RPRD2: variants seen among roughly 807,000 people sequenced by gnomAD.
RPRD2 encodes regulation of nuclear pre-mRNA domain containing 2.
A neutral mutation model predicts 104.4 loss-of-function variants in RPRD2; 12 were observed. The observed-to-expected ratio is 0.11, with a 90% CI of 0.07 to 0.19. RPRD2 has a LOEUF of 0.19. Among genes scored for constraint, RPRD2 ranks in the 10% least tolerant of loss-of-function variants. The probability of loss-of-function intolerance (pLI) is 1.00; values close to 1 mark genes in which losing one functional copy is unlikely to be tolerated. For synonymous variants in RPRD2, 714 were observed against 684.9 expected (o/e 1.04, Z -0.66); for missense variants, 1,543 against 1,790.1 (o/e 0.86, Z 2.49).
chr1:150,383,383 T>C (rs1661299759), intron 1 of RPRD2, among the ~76,000 whole-genome samples: 1 of 150,902 alleles, frequency 6.6e-6, no homozygotes, highest in Non-Finnish European at 1.5e-5. Context: ...GGCGCAATCT[T>C]GGCTCACTGC....
At chr1:150,377,205 C>T (rs1301341787) in intron 1 of RPRD2, among the ~76,000 whole-genome samples, 3 of 151,100 alleles carry the variant, frequency 2.0e-5, no homozygotes, top group Non-Finnish European at 4.4e-5. Flanking sequence ...GCGAGACTAT[C>T]TCCAGAAAAA....
intron 7 of RPRD2, among the ~76,000 whole-genome samples, chr1:150,455,328 C>T (rs1159316539): frequency 6.6e-6 from 1 of 151,920 alleles, no homozygotes; most frequent in Non-Finnish European, 1.5e-5. Context: ...ATGGTGAAAC[C>T]CCGTCTCTAC....
chr1:150,460,115 T>G lies in RPRD2; in HGVS notation c.1209T>G (p.Pro403=), dbSNP rs1553898478. 3 of 1,613,826 alleles carry G rather than the reference T, an allele frequency of 1.9e-6. No homozygotes were observed. In the African/African-American group the frequency reaches 4.0e-5, roughly 22 times the overall value. The change falls in exon 9 of 11, where the codon CCT becomes CCG. Residue 403 remains proline, a synonymous_variant. Coordinates refer to ENST00000369068, the MANE Select transcript of RPRD2 (RefSeq NM_015203.5). ...AGTCAGCTGTATCCACTTCTGTACC[T>G]ACAAAGCCAACAGAAAATATCTCAA... ...AEKSAVSTSV[P]TKPTENISKA...
At chr1:150,442,486 G>A (rs1438315876) in intron 4 of RPRD2, among the ~76,000 whole-genome samples, 3 of 152,136 alleles carry the variant, frequency 2.0e-5, no homozygotes, top group Non-Finnish European at 2.9e-5. Flanking sequence ...TGAGATCAAG[G>A]GAATGGAATA....
Position 150,471,795 on chromosome 1 carries a change from A to T in RPRD2, c.2847A>T (p.Gln949His), listed in dbSNP as rs370218168. Residue 949 changes from glutamine to histidine, a missense_variant, in exon 11 of 11, where the codon CAA becomes CAT. Physicochemically the swap from Gln to His is conservative, Grantham distance 24. Transcript: ENST00000369068. This position sits in a 1 kb window ranked among gnomAD's most constrained non-coding sequence, Gnocchi z 5.3. Reference sequence around the variant, plus strand: ...ACTCCAACCACAATAGCTTGTCTCAATCTACCACTGGGCATCTCAGTTTGC... The same window carrying T: ...ACTCCAACCACAATAGCTTGTCTCATTCTACCACTGGGCATCTCAGTTTGC... Reference protein sequence around the residue: ...TPDSNHNSLSQSTTGHLSLPQ... With the variant: ...TPDSNHNSLSHSTTGHLSLPQ... The T allele has an allele frequency of 6.2e-7, 1 of 1,613,862 alleles. No individual in the cohort carries two copies. Among genetic ancestry groups the T allele is most frequent in the Admixed American group, 1.7e-5 (1 of 60,008 alleles).
intron 2 of RPRD2, among the ~76,000 whole-genome samples, chr1:150,437,086 C>T (rs587669693): frequency 3.3e-5 from 5 of 152,096 alleles, no homozygotes; most frequent in East Asian, 1.9e-4. Context: ...CTATAGTTGC[C>T]GCTAATAATG....
chr1:150,408,934 G>C (rs1023230519), intron 1 of RPRD2: 1 of 152,118 alleles, frequency 6.6e-6, no homozygotes, highest in East Asian at 1.9e-4. Flanking sequence ...TTGGACTCTC[G>C]TGCTGATGCC....
intron 1 of RPRD2, among the ~76,000 whole-genome samples, chr1:150,394,561 T>C (rs1461321289): frequency 6.6e-6 from 1 of 152,192 alleles, no homozygotes; most frequent in Non-Finnish European, 1.5e-5. Context: ...GAATGTTTAC[T>C]GAACTTTCAA....
chr1:150,438,681 T>C (rs1343383889), intron 2 of RPRD2, among the ~76,000 whole-genome samples: 5 of 152,062 alleles, frequency 3.3e-5, no homozygotes, highest in Non-Finnish European at 5.9e-5. Context: ...ATTTTATCCT[T>C]TGAACATCCT....
chr1:150,472,392 G>A lies in RPRD2; in HGVS notation c.3444G>A (p.Leu1148=). The A allele has an allele frequency of 6.2e-7, 1 of 1,613,950 alleles. No individual in the cohort carries two copies. Residue 1148 remains leucine, a synonymous_variant, in exon 11 of 11, where the codon TTG becomes TTA. Transcript: ENST00000369068. The stretch of plus-strand genomic sequence containing the variant: ...ATGGCCCTTCAAGTGCCTCTGAGTT[G>A]GCATCCCTTGGGGGTGGGGGCAGCG... The part of the protein sequence containing the change: ...FDNGPSSASE[L]ASLGGGGSGG...
At chr1:150,415,771 G>A (rs1316347515) in intron 1 of RPRD2, among the ~76,000 whole-genome samples, 4 of 152,208 alleles carry the variant, frequency 2.6e-5, no homozygotes, top group Non-Finnish European at 4.4e-5. Flanking sequence ...GAAACAGTAC[G>A]TAGTGGAAGG....
chr1:150,395,505 G>T (rs1662444310), intron 1 of RPRD2, among the ~76,000 whole-genome samples: 1 of 143,268 alleles, frequency 7.0e-6, no homozygotes, highest in African/African-American at 2.5e-5. Context: ...ACATGTGTAT[G>T]CAAATATCTT....
At chr1:150,464,892 A>G (rs1553899604) in intron 10 of RPRD2, among the ~76,000 whole-genome samples, 165 bp downstream of exon 10, 2 of 151,684 alleles carry the variant, frequency 1.3e-5, no homozygotes, top group Non-Finnish European at 2.9e-5. Context: ...AATTTTTGAG[A>G]TGGAGTCTCA....
Position 150,473,101 on chromosome 1 carries a change from G to A in RPRD2, c.4153G>A (p.Gly1385Arg). The A allele has an allele frequency of 6.2e-7, 1 of 1,613,976 alleles. No homozygotes were observed. Among genetic ancestry groups the A allele is most frequent in the Non-Finnish European group, 8.5e-7 (1 of 1,179,856 alleles). Reference sequence around the variant, plus strand: ...GGAACACCTGGGCCCACCCCATGGAGGAGGAGGTGGGGGAGGCAGCAACAG... The same window carrying A: ...GGAACACCTGGGCCCACCCCATGGAAGAGGAGGTGGGGGAGGCAGCAACAG... The part of the protein sequence containing the change: ...SLEHLGPPHG[G>R]GGGGGSNSSS... The change falls in exon 11 of 11, where the codon GGA becomes AGA. Residue 1385 changes from glycine to arginine, a missense_variant. By Grantham distance (125) the Gly-to-Arg change is moderately radical. This residue lies in a region of RPRD2 where 880 missense variants were observed against 885.6 expected (regional missense o/e 0.99). Coordinates refer to ENST00000369068, the MANE Select transcript of RPRD2 (RefSeq NM_015203.5).
chr1:150,447,420 C>T (rs4926436), intron 7 of RPRD2, among the ~76,000 whole-genome samples: 49,677 of 150,830 alleles, frequency 0.33, 8,901 homozygotes, highest in Non-Finnish European at 0.4. Flanking sequence ...CTTCAACCTC[C>T]GCCTCCTGGG....
intron 7 of RPRD2, among the ~76,000 whole-genome samples, chr1:150,452,141 CAA>C (rs34342843): frequency 8.1e-5 from 9 of 110,930 alleles, no homozygotes; most frequent in South Asian, 3.5e-4. Flanking sequence ...GACTCTGTCT[CAA>C]AAAAAAAAAA....
intron 2 of RPRD2, among the ~76,000 whole-genome samples, chr1:150,436,906 A>G (rs1244824792): frequency 2.0e-5 from 3 of 151,126 alleles, no homozygotes; most frequent in Non-Finnish European, 3.0e-5. Context: ...TCCGTCTCAA[A>G]TAAAAAGAAA....
intron 1 of RPRD2, among the ~76,000 whole-genome samples, chr1:150,371,967 A>G (rs1272526580): frequency 6.6e-6 from 1 of 152,086 alleles, no homozygotes; most frequent in African/African-American, 2.4e-5. Context: ...AAGTTCTGAT[A>G]GGCATTTATT....
intron 9 of RPRD2, among the ~76,000 whole-genome samples, chr1:150,463,207 C>T (rs1424289778): frequency 6.6e-6 from 1 of 152,048 alleles, no homozygotes; most frequent in Non-Finnish European, 1.5e-5. Context: ...CGTGTAGTCC[C>T]AGCTACTCGG....
Sources: gnomAD v4.1 joint callset for allele counts (sites outside exome capture counted in the v4.1 genomes callset) on GRCh38, gnomAD v4.1.1 for gene constraint, gnomAD v4.1.1 regional missense constraint, Gnocchi (gnomAD v3.1) non-coding constraint, MANE v1.5 for transcripts, NCBI Gene and HGNC (gene_info 2026-07-23, HGNC 2026-07-21) for gene names.